GLS: variants seen among roughly 807,000 people sequenced by gnomAD.
The protein encoded by GLS is glutaminase kidney isoform, mitochondrial.
In GLS, 36 loss-of-function variants were observed where a neutral mutation model predicts 86.7. The ratio of observed to expected loss-of-function variants is 0.42; its 90% CI spans 0.32 to 0.55. The LOEUF (loss-of-function observed/expected upper bound fraction) is 0.55. Among genes scored for constraint, GLS ranks in the 20% least tolerant of loss-of-function variants. GLS has a pLI of 0.17. For synonymous variants in GLS, 317 were observed against 305.9 expected (o/e 1.04, Z -0.38); for missense variants, 528 against 833.4 (o/e 0.63, Z 4.51).
Position 190,951,886 on chromosome 2 carries a change from A to C in GLS, c.1651-1679A>C, listed in dbSNP as rs768251483. On this transcript the variant is annotated intron_variant, in intron 14 of 17. Coordinates refer to ENST00000320717, the MANE Select transcript of GLS (RefSeq NM_014905.5). The surrounding 1 kb of genome is among the most constrained non-coding windows in gnomAD (Gnocchi z 4.2). Reference sequence around the variant, plus strand: ...AGTGGTTTATAACCCAGAAAAGTGCATATCAAAGTCACCTGGAGACTTTAA... The same window carrying C: ...AGTGGTTTATAACCCAGAAAAGTGCCTATCAAAGTCACCTGGAGACTTTAA... Among the ~76,000 whole-genome samples the C allele has an allele frequency of 6.6e-6, 1 of 152,252 alleles. No homozygotes were observed. Among genetic ancestry groups the C allele is most frequent in the Non-Finnish European group, 1.5e-5 (1 of 68,036 alleles).
intron 6 of GLS, among the ~76,000 whole-genome samples, chr2:190,909,293 T>C (rs996111030): frequency 1.3e-5 from 2 of 152,216 alleles, no homozygotes; most frequent in African/African-American, 4.8e-5. Flanking sequence ...CAAAGTAACA[T>C]ACATTACTTC....
At position 190,949,056 on chromosome 2, in the gene GLS, A is replaced by G. The variant is rs1198612357; in HGVS notation, c.1651-4509A>G. On this transcript the variant is annotated intron_variant, in intron 14 of 17. Coordinates refer to ENST00000320717, the MANE Select transcript of GLS (RefSeq NM_014905.5). This position sits in a 1 kb window ranked among gnomAD's most constrained non-coding sequence, Gnocchi z 4.0. ...GGACTTTCGGGCTAGTCTTTGAGGG[A>G]AGGGAAGGATTTGATTAGGAATCTG... Among the ~76,000 whole-genome samples the G allele has an allele frequency of 6.6e-6, 1 of 152,066 alleles. No individual in the cohort carries two copies. Among genetic ancestry groups the G allele is most frequent in the Non-Finnish European group, 1.5e-5 (1 of 68,018 alleles).
chr2:190,953,479 C>A lies in GLS; in HGVS notation c.1651-86C>A. The A allele has an allele frequency of 1.1e-6, 1 of 912,704 alleles. No homozygotes were observed. Among genetic ancestry groups the A allele is most frequent in the South Asian group, 1.3e-5 (1 of 74,396 alleles). 56.5% of individuals were successfully genotyped at this position (912,704 alleles called of 1,614,324 possible). A position where few individuals can be genotyped will look rare whatever the true frequency, so the allele number is the denominator to read the frequency against. On this transcript the variant is annotated intron_variant, in intron 14 of 17. Transcript: ENST00000320717. This position sits in a 1 kb window ranked among gnomAD's most constrained non-coding sequence, Gnocchi z 4.0. ...CGTGACTCAGCTGAAGTGTTCAAAG[C>A]ACATGGAAATCACTTGCCAGTGACA...
Position 190,948,365 on chromosome 2 carries a change from A to G in GLS, c.1651-5200A>G, listed in dbSNP as rs1018337584. ...TTTTTTCTCATGCTTTTGAATAACA[A>G]TATACTCTGAATAAACCAAGTATAT... On this transcript the variant is annotated intron_variant, in intron 14 of 17. Coordinates refer to ENST00000320717, the MANE Select transcript of GLS (RefSeq NM_014905.5). Among the ~76,000 whole-genome samples the G allele has an allele frequency of 5.3e-5, 8 of 152,200 alleles. No individual in the cohort carries two copies. The South Asian group carries it at 6.2e-4, about 12-fold the overall frequency.
chr2:190,931,669 A>G (rs922683348), intron 14 of GLS, 32 bp downstream of exon 14: 1 of 1,032,592 alleles, frequency 9.7e-7, no homozygotes, highest in East Asian at 2.4e-5. Flanking sequence ...ATAAGTATAT[A>G]AAATTTTTAA....
At chr2:190,888,102 A>G (rs1688447467) in intron 1 of GLS, among the ~76,000 whole-genome samples, 1 of 152,174 alleles carries the variant, frequency 6.6e-6, no homozygotes. Flanking sequence ...TAAAACAGTA[A>G]AAAACATTCC....
intron 13 of GLS, among the ~76,000 whole-genome samples, chr2:190,931,211 T>A (rs941917030): frequency 1.1e-4 from 16 of 152,188 alleles, no homozygotes; most frequent in Admixed American, 1.0e-3. Context: ...ATATAGTAGA[T>A]TGTAACCAGA....
chr2:190,885,016 A>G (rs547666681), intron 1 of GLS, among the ~76,000 whole-genome samples: 26 of 152,186 alleles, frequency 1.7e-4, no homozygotes, highest in Non-Finnish European at 3.5e-4. Flanking sequence ...AATATTTGTA[A>G]TTACACAAAT....
At chr2:190,918,309 A>C (rs142558111) in intron 7 of GLS, among the ~76,000 whole-genome samples, 720 of 152,318 alleles carry the variant, frequency 4.7e-3, no homozygotes, top group Non-Finnish European at 8.0e-3. Context: ...CTTCTGCATC[A>C]GCCCTTGCCA....
chr2:190,917,715 A>G (rs1300516606), intron 7 of GLS, among the ~76,000 whole-genome samples: 1 of 152,122 alleles, frequency 6.6e-6, no homozygotes, highest in African/African-American at 2.4e-5. Context: ...AAACAACATT[A>G]TGCTCCTTGT....
intron 1 of GLS, chr2:190,881,966 GGTTTCT>G (rs1203826594): frequency 2.0e-5 from 3 of 152,932 alleles, no homozygotes; most frequent in Non-Finnish European, 4.4e-5. Context: ...GCCCTCCCTT[GGTTTCT>G]GCCATCATCC....
chr2:190,925,548 T>A (rs183843064), intron 11 of GLS, among the ~76,000 whole-genome samples: 7 of 152,360 alleles, frequency 4.6e-5, no homozygotes, highest in Admixed American at 4.6e-4. Context: ...TTGGTGCCAC[T>A]GATGGGGCTG....
At chr2:190,934,913 A>C (rs1159574684) in intron 14 of GLS, 1 of 977,094 alleles carries the variant, frequency 1.0e-6, no homozygotes, top group Non-Finnish European at 1.2e-6. Flanking sequence ...AAAAAAGAAA[A>C]AACTTTGCCA....
chr2:190,954,072 T>G lies in GLS; in HGVS notation c.1712+446T>G, dbSNP rs1183916228. On this transcript the variant is annotated intron_variant, in intron 15 of 17. Transcript: ENST00000320717. The surrounding 1 kb of genome is among the most constrained non-coding windows in gnomAD (Gnocchi z 4.0). The stretch of plus-strand genomic sequence containing the variant: ...ATATACTGCTGTATACCTAAGGTCT[T>G]TTGTGTAGAGTTGTAACTTATTTTC... 2.0e-5 allele frequency among the ~76,000 whole-genome samples: 3 copies of G among 151,366 alleles called. No individual in the cohort carries two copies. Among genetic ancestry groups the G allele is most frequent in the African/African-American group, 7.3e-5 (3 of 41,190 alleles).
At chr2:190,926,797 C>T (rs1479501913) in intron 11 of GLS, among the ~76,000 whole-genome samples, 2 of 152,054 alleles carry the variant, frequency 1.3e-5, no homozygotes, top group African/African-American at 4.8e-5. Context: ...TTTTCCTTTG[C>T]CTGTTACCAT....
At chr2:190,950,258 A>C (rs1690684297) in intron 14 of GLS, among the ~76,000 whole-genome samples, 2 of 152,168 alleles carry the variant, frequency 1.3e-5, no homozygotes, top group East Asian at 3.9e-4. Context: ...TGTAACCAGG[A>C]ATAGAGCCTT....
chr2:190,954,487 C>T lies in GLS; in HGVS notation c.1713-97C>T, dbSNP rs913708690. 1.3e-5 allele frequency: 10 copies of T among 756,832 alleles called. No individual in the cohort carries two copies. Among genetic ancestry groups the T allele is most frequent in the Admixed American group, 2.6e-5 (1 of 38,742 alleles). 46.9% of individuals were successfully genotyped at this position (756,832 alleles called of 1,614,324 possible). On this transcript the variant is annotated intron_variant, in intron 15 of 17. Coordinates refer to ENST00000320717, the MANE Select transcript of GLS (RefSeq NM_014905.5). The surrounding 1 kb of genome is among the most constrained non-coding windows in gnomAD (Gnocchi z 4.0). Reference sequence around the variant, plus strand: ...TTAATGAGCTTGATGAAGGATGGCACCTGACAGGGCCTTAAATGAACTGAT... The same window carrying T: ...TTAATGAGCTTGATGAAGGATGGCATCTGACAGGGCCTTAAATGAACTGAT...
rs1326299568 is a variant in GLS, at chr2:190,927,885, G to A, written c.1425+403G>A. On this transcript the variant is annotated intron_variant, in intron 12 of 17. Coordinates refer to ENST00000320717, the MANE Select transcript of GLS (RefSeq NM_014905.5). ...TTTTAAGGACTAAAAGTGTATTAAA[G>A]TTAAAACTTAACAAAAATGTACTGC... Among the ~76,000 whole-genome samples, 3 of 152,168 alleles carry A rather than the reference G, an allele frequency of 2.0e-5. No individual in the cohort carries two copies. The East Asian group carries it at 5.8e-4, about 29-fold the overall frequency.
At chr2:190,945,082 A>G (rs1409761195) in intron 14 of GLS, among the ~76,000 whole-genome samples, 1 of 146,086 alleles carries the variant, frequency 6.8e-6, no homozygotes, top group Non-Finnish European at 1.5e-5. Flanking sequence ...AGTAGTTGCA[A>G]GCACTGGCCC....
Sources: gnomAD v4.1 joint callset for allele counts (sites outside exome capture counted in the v4.1 genomes callset) on GRCh38, gnomAD v4.1.1 for gene constraint, Gnocchi (gnomAD v3.1) non-coding constraint, MANE v1.5 for transcripts, NCBI Gene and HGNC (gene_info 2026-07-23, HGNC 2026-07-21) for gene names.